KDM2B: variants seen among roughly 807,000 people sequenced by gnomAD.
The protein encoded by KDM2B is lysine demethylase 2B.
In KDM2B, 26 loss-of-function variants were observed where a neutral mutation model predicts 150.0. The observed-to-expected ratio is 0.17, with a 90% CI of 0.13 to 0.24. KDM2B has a LOEUF of 0.24. Among genes scored for constraint, KDM2B ranks in the 10% least tolerant of loss-of-function variants. KDM2B has a pLI of 1.00. For missense variants in KDM2B, 1,265 were observed against 1,816.9 expected (o/e 0.70, Z 5.52); for synonymous variants, 734 against 729.5 (o/e 1.01, Z -0.10).
At chr12:121,423,367 G>A in the KDM2B span, 1 of 1,583,904 alleles carries the variant, frequency 6.3e-7, no homozygotes, top group Non-Finnish European at 8.6e-7. The surrounding 1 kb of genome is among the most constrained non-coding windows in gnomAD (Gnocchi z 4.3). Context: ...CGAGGCCTTA[G>A]CTCTCTGTTG....
intron 22 of KDM2B, among the ~76,000 whole-genome samples, chr12:121,432,040 C>T (rs2137458306): frequency 6.6e-6 from 1 of 152,088 alleles, no homozygotes; most frequent in Middle Eastern, 3.4e-3. Context: ...GCCACCACGC[C>T]TGGCTAATTT....
chr12:121,420,215 C>G, the KDM2B span: 6 of 1,604,894 alleles, frequency 3.7e-6, no homozygotes, highest in Non-Finnish European at 5.1e-6. Flanking sequence ...GATTCCTGAC[C>G]TAATCAGATA....
At chr12:121,476,225 G>A (rs985529348) in intron 12 of KDM2B, among the ~76,000 whole-genome samples, 1 of 152,010 alleles carries the variant, frequency 6.6e-6, no homozygotes, top group Admixed American at 6.6e-5. Context: ...AACCCGGGAG[G>A]CGGAGGTTGC....
At position 121,509,996 on chromosome 12, in the gene KDM2B, G is replaced by A; in HGVS notation, c.1218C>T (p.Ser406=). The change falls in exon 11 of 23, where the codon TCC becomes TCT. Residue 406 remains serine, a synonymous_variant. Coordinates refer to ENST00000377071, the MANE Select transcript of KDM2B (RefSeq NM_032590.5). ...AGGCCTCCTCCTCCATCTCCAGCCA[G>A]GAATCCGAAGAGAAGCCGTCTATGC... ...KPSIDGFSSD[S]WLEMEEEACD... is the part of the protein sequence containing the mutation. The A allele has an allele frequency of 1.3e-6, 2 of 1,592,346 alleles. No homozygotes were observed. The highest frequency in any genetic ancestry group is 1.7e-6 in the Non-Finnish European group (2 of 1,169,084).
chr12:121,471,870 A>G (rs772883771), intron 12 of KDM2B, among the ~76,000 whole-genome samples: 7 of 152,178 alleles, frequency 4.6e-5, no homozygotes, highest in Non-Finnish European at 8.8e-5. Context: ...GAAGTGACCC[A>G]TGCCTGTAAT....
Position 121,520,956 on chromosome 12 carries a change from C to A in KDM2B, c.1047+29G>T. ...CGGCAGAGCTCAGGGGCCAGGCGCG[C>A]ACGCGAGGACAGAAGGGAACCTCCT... On this transcript the variant is annotated intron_variant, in intron 9 of 22. Transcript: ENST00000377071. This position sits in a 1 kb window ranked among gnomAD's most constrained non-coding sequence, Gnocchi z 4.5. 6.4e-7 allele frequency: 1 copy of A among 1,566,804 alleles called. No homozygotes were observed.
chr12:121,525,686 C>T (rs1887070577), intron 8 of KDM2B, among the ~76,000 whole-genome samples: 1 of 152,172 alleles, frequency 6.6e-6, no homozygotes, highest in Non-Finnish European at 1.5e-5. Flanking sequence ...CATCCAGTCC[C>T]CTTCCCTGCT....
chr12:121,569,539 C>T (rs1566430229), intron 4 of KDM2B, among the ~76,000 whole-genome samples: 1 of 152,204 alleles, frequency 6.6e-6, no homozygotes, highest in Non-Finnish European at 1.5e-5. Flanking sequence ...GCTGAACTTA[C>T]GACCTAAGTC....
rs1283187741 is a variant in KDM2B at position 121,549,826 on chromosome 12, T to C, written c.398-188A>G. Among the ~76,000 whole-genome samples the C allele has an allele frequency of 6.6e-6, 1 of 151,082 alleles. No individual in the cohort carries two copies. Among genetic ancestry groups the C allele is most frequent in the East Asian group, 2.0e-4 (1 of 5,066 alleles). On this transcript the variant is annotated intron_variant, in intron 4 of 22. Transcript: ENST00000377071. The surrounding 1 kb of genome is among the most constrained non-coding windows in gnomAD (Gnocchi z 4.4). ...GGATCTGTCTCCCACCCACCTTGCT[T>C]CCCTGCACCACCATGGCCTCCACGC...
rs1449569239 is a variant in KDM2B, at chr12:121,429,218, G to A, written c.*1070C>T. The A allele has an allele frequency of 6.6e-6, 1 of 152,536 alleles. No individual in the cohort carries two copies. Among genetic ancestry groups the A allele is most frequent in the African/African-American group, 2.4e-5 (1 of 41,426 alleles). 9.4% of individuals were successfully genotyped at this position (152,536 alleles called of 1,614,324 possible). On this transcript the variant is annotated 3_prime_UTR_variant, in exon 23 of 23. Coordinates refer to ENST00000377071, the MANE Select transcript of KDM2B (RefSeq NM_032590.5). ...CAATTGTTTATACAAATTCAACAAA[G>A]GTAAAATCGCATCAGGGAAGGTCTA...
chr12:121,492,901 T>C (rs1020682773), intron 12 of KDM2B, among the ~76,000 whole-genome samples: 2 of 151,728 alleles, frequency 1.3e-5, no homozygotes, highest in African/African-American at 4.8e-5. Flanking sequence ...TCTTTCTTTC[T>C]CCTTTTTGTT....
At chr12:121,544,114 C>CAA (rs57873693) in intron 6 of KDM2B, among the ~76,000 whole-genome samples, 2,453 of 42,064 alleles carry the variant, frequency 0.058, 93 homozygotes, top group South Asian at 0.13. Context: ...GACCCTGCCT[C>CAA]AAAAAAAAAA....
chr12:121,566,596 G>A (rs1388554896), intron 4 of KDM2B, among the ~76,000 whole-genome samples: 7 of 151,926 alleles, frequency 4.6e-5, no homozygotes, highest in East Asian at 3.9e-4. Flanking sequence ...ACTCCAGCCC[G>A]GGCGACAAGC....
intron 19 of KDM2B, among the ~76,000 whole-genome samples, chr12:121,441,805 T>G (rs1416452481): frequency 6.6e-6 from 1 of 152,174 alleles, no homozygotes; most frequent in African/African-American, 2.4e-5. Flanking sequence ...GCTGGCGTCA[T>G]GCCCGTTCAT....
chr12:121,523,765 G>A (rs1473401029), intron 8 of KDM2B, among the ~76,000 whole-genome samples: 1 of 152,248 alleles, frequency 6.6e-6, no homozygotes, highest in East Asian at 1.9e-4. Flanking sequence ...CAGGCACGAG[G>A]GCTTTGCTTT....
At chr12:121,570,015 A>G (rs1890976938) in intron 4 of KDM2B, among the ~76,000 whole-genome samples, 1 of 151,444 alleles carries the variant, frequency 6.6e-6, no homozygotes, top group Non-Finnish European at 1.5e-5. Flanking sequence ...AAGCCCAGCT[A>G]ATTTTTGTGT....
At chr12:121,465,320 G>T (rs143684932) in intron 12 of KDM2B, among the ~76,000 whole-genome samples, 1 of 152,110 alleles carries the variant, frequency 6.6e-6, no homozygotes. Context: ...CGCAACCTCC[G>T]CCTCCTGGGT....
intron 11 of KDM2B, among the ~76,000 whole-genome samples, chr12:121,508,941 G>A (rs1340985480): frequency 2.0e-5 from 3 of 152,152 alleles, no homozygotes; most frequent in African/African-American, 7.2e-5. Flanking sequence ...CGTCTCTCGA[G>A]GCCAGTGACA....
intron 12 of KDM2B, among the ~76,000 whole-genome samples, chr12:121,473,307 G>A (rs782314886): frequency 2.0e-5 from 3 of 151,188 alleles, no homozygotes; most frequent in East Asian, 1.9e-4. Flanking sequence ...CAGTAGAATC[G>A]CTTGAACCTG....
Sources: allele counts gnomAD v4.1 joint callset (sites outside exome capture counted in the v4.1 genomes callset), GRCh38; gene constraint gnomAD v4.1.1; non-coding constraint Gnocchi (gnomAD v3.1); transcripts MANE v1.5; gene names NCBI Gene and HGNC (gene_info 2026-07-23, HGNC 2026-07-21).